ETFA: variants seen among roughly 807,000 people sequenced by gnomAD.
ETFA encodes electron transfer flavoprotein subunit alpha.
ETFA carries 22 observed loss-of-function variants against 46.2 expected under a neutral mutation model. The observed-to-expected ratio is 0.48, with a 90% CI of 0.34 to 0.68. ETFA has a LOEUF of 0.68. Ranked by LOEUF, ETFA falls within the 30% of genes least tolerant of loss-of-function variation. ETFA has a pLI of 0.01. For missense variants in ETFA, 345 were observed against 401.1 expected (o/e 0.86, Z 1.19); for synonymous variants, 131 against 139.9 (o/e 0.94, Z 0.45).
intron 9 of ETFA, among the ~76,000 whole-genome samples, chr15:76,246,650 T>C (rs549911993): frequency 1.2e-4 from 19 of 152,046 alleles, no homozygotes; most frequent in South Asian, 1.0e-3. Flanking sequence ...GCTAACATGG[T>C]GAAATCCTGT....
At chr15:76,263,606 C>T (rs768575802) in intron 9 of ETFA, among the ~76,000 whole-genome samples, 2 of 152,158 alleles carry the variant, frequency 1.3e-5, no homozygotes, top group East Asian at 1.9e-4. Flanking sequence ...CCATGGTTTC[C>T]GGAACAAGGG....
chr15:76,287,323 T>C (rs2469221), intron 5 of ETFA, among the ~76,000 whole-genome samples: 148,976 of 152,242 alleles, frequency 0.98, 72,972 homozygotes, highest in South Asian at 1. Context: ...CCAACATGCC[T>C]AGCTAATTTA....
intron 9 of ETFA, among the ~76,000 whole-genome samples, chr15:76,232,116 T>C (rs997191215): frequency 6.6e-6 from 1 of 152,176 alleles, no homozygotes; most frequent in Non-Finnish European, 1.5e-5. Context: ...CCACAGTTTT[T>C]TGGTAAATGT....
intron 9 of ETFA, among the ~76,000 whole-genome samples, chr15:76,239,849 A>G (rs1332557201): frequency 1.3e-5 from 2 of 152,120 alleles, no homozygotes; most frequent in Non-Finnish European, 2.9e-5. Flanking sequence ...CATGTTGCTA[A>G]AAGTATCAGT....
intron 9 of ETFA, among the ~76,000 whole-genome samples, chr15:76,256,774 C>A (rs570055088): frequency 6.6e-6 from 1 of 152,156 alleles, no homozygotes; most frequent in South Asian, 2.1e-4. Context: ...ATTCCTATCA[C>A]CTCAGTGATG....
At chr15:76,274,976 A>G (rs1486700379) in intron 8 of ETFA, among the ~76,000 whole-genome samples, 1 of 152,148 alleles carries the variant, frequency 6.6e-6, no homozygotes, top group Non-Finnish European at 1.5e-5. Context: ...CCCCTTCCCC[A>G]GCAGGAGTCA....
intron 9 of ETFA, among the ~76,000 whole-genome samples, chr15:76,263,629 G>A (rs1467859911): frequency 6.6e-6 from 1 of 152,202 alleles, no homozygotes; most frequent in Non-Finnish European, 1.5e-5. Flanking sequence ...TATGGAGTTG[G>A]ATGAATGGGA....
intron 8 of ETFA, among the ~76,000 whole-genome samples, chr15:76,282,646 A>G (rs2039666939): frequency 6.6e-6 from 1 of 152,200 alleles, no homozygotes; most frequent in Non-Finnish European, 1.5e-5. Flanking sequence ...TACTGTTTCT[A>G]TGGGTACACG....
intron 1 of ETFA, among the ~76,000 whole-genome samples, 199 bp from the exon 2 acceptor site, chr15:76,295,936 C>CCTT (rs2039816100): frequency 4.3e-5 from 2 of 46,602 alleles, no homozygotes; most frequent in African/African-American, 1.3e-4. Flanking sequence ...CACTAATATT[C>CCTT]TTTTTTTTTT....
chr15:76,297,431 A>C (rs1040054632), intron 1 of ETFA, among the ~76,000 whole-genome samples: 1 of 151,856 alleles, frequency 6.6e-6, no homozygotes, highest in African/African-American at 2.4e-5. Context: ...ATCACATTTC[A>C]CAAGAATTGC....
intron 9 of ETFA, among the ~76,000 whole-genome samples, chr15:76,253,926 A>T (rs777871387): frequency 6.6e-6 from 1 of 152,256 alleles, no homozygotes; most frequent in Non-Finnish European, 1.5e-5. Context: ...AGCTTGTATC[A>T]GACCAATCCT....
intron 4 of ETFA, among the ~76,000 whole-genome samples, chr15:76,288,147 C>T (rs1315486514): frequency 1.3e-5 from 2 of 152,120 alleles, no homozygotes; most frequent in African/African-American, 4.8e-5. Flanking sequence ...ATTACTCTAA[C>T]TACATTAAGA....
intron 9 of ETFA, chr15:76,260,462 G>C: frequency 6.4e-7 from 1 of 1,569,438 alleles, no homozygotes; most frequent in Non-Finnish European, 8.7e-7. Context: ...GGCCTGCATG[G>C]TCATGAGAAG....
At chr15:76,244,808 C>T (rs1043425954) in intron 9 of ETFA, among the ~76,000 whole-genome samples, 3 of 152,188 alleles carry the variant, frequency 2.0e-5, no homozygotes, top group African/African-American at 7.2e-5. Flanking sequence ...ATTAGATTCA[C>T]TATCTACAAG....
rs181287666 is a variant in ETFA at position 76,244,811 on chromosome 15, T to A, written c.817-13413A>T. On this transcript the variant is annotated intron_variant, in intron 9 of 11. Coordinates refer to ENST00000557943, the MANE Select transcript of ETFA (RefSeq NM_000126.4). ...GTCAGCTGTTAAATTAGATTCACTA[T>A]CTACAAGACATGTCAATTTATCATT... Among the ~76,000 whole-genome samples the A allele has an allele frequency of 2.3e-4, 35 of 152,342 alleles. 1 individual carries two copies. The highest frequency in any genetic ancestry group is 2.1e-3 in the Admixed American group (32 of 15,300).
intron 9 of ETFA, among the ~76,000 whole-genome samples, chr15:76,233,325 CT>C (rs66595585): frequency 1.8e-3 from 153 of 84,494 alleles, no homozygotes; most frequent in African/African-American, 5.2e-3. Flanking sequence ...ATTCAATAGG[CT>C]TTTTTTTTTT....
intron 9 of ETFA, among the ~76,000 whole-genome samples, chr15:76,245,646 A>G (rs1373584812): frequency 6.6e-6 from 1 of 152,264 alleles, no homozygotes; most frequent in Non-Finnish European, 1.5e-5. Context: ...TTATGAATGG[A>G]CAGTTGGTCT....
chr15:76,276,977 A>C (rs986784575), intron 8 of ETFA, among the ~76,000 whole-genome samples: 2 of 152,146 alleles, frequency 1.3e-5, no homozygotes, highest in Admixed American at 1.3e-4. Flanking sequence ...ACCTTTTAGT[A>C]TATCTTGCAA....
chr15:76,306,305 C>T (rs1480686513), intron 1 of ETFA, among the ~76,000 whole-genome samples: 7 of 122,502 alleles, frequency 5.7e-5, no homozygotes, highest in Admixed American at 1.1e-4. Flanking sequence ...CTCGCTCAGT[C>T]GCCCAGACTG....
Sources: gnomAD v4.1 joint callset for allele counts (sites outside exome capture counted in the v4.1 genomes callset) on GRCh38, gnomAD v4.1.1 for gene constraint, MANE v1.5 for transcripts, NCBI Gene and HGNC (gene_info 2026-07-23, HGNC 2026-07-21) for gene names.